The following NTRK1 variants were observed in gnomAD, a reference collection of about 807,000 sequenced individuals.
NTRK1 encodes high affinity nerve growth factor receptor.
In NTRK1, 62 loss-of-function variants were observed where a neutral mutation model predicts 86.8. That is an observed-to-expected ratio of 0.71 (90% CI 0.58 to 0.88). The LOEUF (loss-of-function observed/expected upper bound fraction) is 0.88. Ranked by LOEUF, NTRK1 falls within the 40% of genes least tolerant of loss-of-function variation. The pLI, the probability that NTRK1 is intolerant of heterozygous loss-of-function variation, is 0.00. For synonymous variants in NTRK1, 469 were observed against 456.6 expected, an observed-to-expected ratio of 1.03 and a Z score of -0.35; for missense variants, 967 against 1,078.4, an observed-to-expected ratio of 0.90 and a Z score of 1.45.
chr1:156,844,659 G>T (rs748909306), intron 2 of NTRK1: 2 of 1,613,910 alleles, frequency 1.2e-6, no homozygotes, highest in Admixed American at 3.3e-5. Context: ...CTGGGAAGGC[G>T]ATGTAGGCAC....
chr1:156,844,094 CT>C (rs1296651742), intron 2 of NTRK1: 1 of 998,270 alleles, frequency 1.0e-6, no homozygotes, highest in African/African-American at 1.6e-5. Flanking sequence ...TTTCTACTGT[CT>C]CATCTACCTC....
intron 12 of NTRK1, 26 bp downstream of exon 12, chr1:156,875,692 C>T (rs932333060): frequency 6.4e-7 from 1 of 1,554,012 alleles, no homozygotes; most frequent in Non-Finnish European, 8.7e-7. Flanking sequence ...GGGTCAAGGG[C>T]AGGGACGAGT....
chr1:156,843,274 T>G (rs762364250), intron 2 of NTRK1: 5 of 1,592,364 alleles, frequency 3.1e-6, no homozygotes, highest in Non-Finnish European at 4.3e-6. Context: ...GATGCTGCTC[T>G]CTGCCACACC....
chr1:156,848,790 G>T, intron 2 of NTRK1: 1 of 1,111,272 alleles, frequency 9.0e-7, no homozygotes, highest in Non-Finnish European at 1.3e-6. Context: ...CTACCACGGA[G>T]TACAACTTGC....
chr1:156,845,873 C>A (rs534062373), intron 2 of NTRK1: 87 of 1,600,264 alleles, frequency 5.4e-5, no homozygotes, highest in Non-Finnish European at 6.7e-5. Flanking sequence ...TCTGATCCCC[C>A]CCACCTGCCG....
upstream of NTRK1, chr1:156,860,860 T>C: frequency 7.2e-7 from 1 of 1,381,874 alleles, no homozygotes; most frequent in Non-Finnish European, 9.3e-7. Context: ...AGCGCACATG[T>C]CGGGGGAGGC....
upstream of NTRK1, among the ~76,000 whole-genome samples, chr1:156,859,291 G>C (rs1655524736): frequency 6.6e-6 from 1 of 152,176 alleles, no homozygotes; most frequent in Non-Finnish European, 1.5e-5. This position sits in a 1 kb window ranked among gnomAD's most constrained non-coding sequence, Gnocchi z 6.2. Context: ...AAATACGGGG[G>C]GAGGGTGGGC....
chr1:156,844,323 A>G, intron 2 of NTRK1: 1 of 1,575,738 alleles, frequency 6.3e-7, no homozygotes, highest in African/African-American at 1.3e-5. Context: ...AAAGATGTAG[A>G]AGTCAGAGGG....
chr1:156,869,018 CCCT>C (rs1647376191), intron 6 of NTRK1, among the ~76,000 whole-genome samples: 1 of 43,532 alleles, frequency 2.3e-5, no homozygotes, highest in East Asian at 5.3e-4. Context: ...TTTTCTCTCT[CCCT>C]TCCTTCCTTC....
At chr1:156,869,884 G>T (rs1166041140) in intron 6 of NTRK1, among the ~76,000 whole-genome samples, 1 of 152,254 alleles carries the variant, frequency 6.6e-6, no homozygotes, top group Non-Finnish European at 1.5e-5. Flanking sequence ...GAGTGGATAT[G>T]CAGGGACCAG....
At chr1:156,851,189 G>C (rs775921652) in intron 2 of NTRK1, 1 of 1,350,228 alleles carries the variant, frequency 7.4e-7, no homozygotes, top group Non-Finnish European at 1.1e-6. Context: ...CGCCTAGTGA[G>C]TAGCAAAATT....
rs142737520 is a variant in NTRK1, at chr1:156,838,454, C to T, written c.-63-3627C>T. ...GACGGGTGTTTCTGTATTTCAGTCG[C>T]TGCATTTACTGTTCTGCCTCTGTGG... On this transcript the variant is annotated intron_variant, in intron 1 of 16. Coordinates refer to the NTRK1 transcript ENST00000392302. Among the ~76,000 whole-genome samples, 183 of 151,928 alleles carry T rather than the reference C, an allele frequency of 1.2e-3. 1 individual carries two copies. The highest frequency in any genetic ancestry group is 4.2e-3 in the African/African-American group (175 of 41,378).
intron 3 of NTRK1, chr1:156,865,187 G>A (rs1655867638): frequency 6.7e-6 from 2 of 298,712 alleles, no homozygotes; most frequent in Admixed American, 8.4e-5. Context: ...CATCCTGGGA[G>A]CTGGGGTGTT....
chr1:156,869,887 G>A (rs1009216979), intron 6 of NTRK1, among the ~76,000 whole-genome samples: 3 of 152,256 alleles, frequency 2.0e-5, no homozygotes, highest in Non-Finnish European at 4.4e-5. Context: ...TGGATATGCA[G>A]GGACCAGGAA....
intron 1 of NTRK1, among the ~76,000 whole-genome samples, chr1:156,833,924 T>C (rs1386629188): frequency 6.6e-6 from 1 of 152,226 alleles, no homozygotes; most frequent in Non-Finnish European, 1.5e-5. Flanking sequence ...TTTTAGATTC[T>C]CACAACCTCA....
chr1:156,873,682 C>A lies in NTRK1; in HGVS notation c.900C>A (p.Cys300Ter). ...CGGCGGTGGAGATGCACCACTGGTGCATCCCCTTCTCTGTGGATGGGCAGC... is the reference window on the plus strand; with the variant it reads ...CGGCGGTGGAGATGCACCACTGGTGAATCCCCTTCTCTGTGGATGGGCAGC... ...LHTAVEMHHW[C>*]IPFSVDGQPA... Residue 300 changes from cysteine to a stop codon, truncating the protein, a stop_gained, in exon 8 of 17, where the codon TGC (cysteine) becomes TGA (stop). Transcript: ENST00000524377. LOFTEE classifies it high-confidence loss of function. 6.2e-7 allele frequency: 1 copy of A among 1,610,712 alleles called. No homozygotes were observed. The highest frequency in any genetic ancestry group is 8.5e-7 in the Non-Finnish European group (1 of 1,179,406).
chr1:156,850,781 T>G (rs541306246), intron 2 of NTRK1, among the ~76,000 whole-genome samples: 1 of 151,628 alleles, frequency 6.6e-6, no homozygotes, highest in East Asian at 2.0e-4. Flanking sequence ...GGTCTTGAAT[T>G]CCTGACCTCA....
chr1:156,874,057 T>C (rs886504030), intron 8 of NTRK1, 98 bp downstream of exon 8: 1 of 1,313,506 alleles, frequency 7.6e-7, no homozygotes, highest in Non-Finnish European at 1.1e-6. Context: ...TTGGAGTGCC[T>C]GGTTCGGGAC....
Position 156,851,807 on chromosome 1 carries a change from T to A in NTRK1, c.50+9614T>A, listed in dbSNP as rs767797146. The A allele has an allele frequency of 1.4e-5, 23 of 1,600,178 alleles. No homozygotes were observed. The East Asian group carries it at 4.9e-4, about 34-fold the overall frequency. ...GAATATGCTAGCAGGAGCAAGCAGA[T>A]GTCCTGAGCCTTGGACCAGTTTGGG... On this transcript the variant is annotated intron_variant, in intron 2 of 16. Transcript: ENST00000392302.
Sources: allele counts gnomAD v4.1 joint callset (sites outside exome capture counted in the v4.1 genomes callset), GRCh38; gene constraint gnomAD v4.1.1; non-coding constraint Gnocchi (gnomAD v3.1); transcripts MANE v1.5; gene names NCBI Gene and HGNC (gene_info 2026-07-23, HGNC 2026-07-21).